The following CSNK1G3 variants were observed in gnomAD, a reference collection of about 807,000 sequenced individuals.
The protein encoded by CSNK1G3 is casein kinase I isoform gamma-3.
A neutral mutation model predicts 64.3 loss-of-function variants in CSNK1G3; 23 were observed. The observed-to-expected ratio is 0.36, with a 90% CI of 0.26 to 0.51. CSNK1G3 has a LOEUF of 0.51. Ranked by LOEUF, CSNK1G3 falls within the 20% of genes least tolerant of loss-of-function variation. The probability of loss-of-function intolerance (pLI) is 0.96; values close to 1 mark genes in which losing one functional copy is unlikely to be tolerated. For synonymous variants in CSNK1G3, 158 were observed against 162.2 expected (o/e 0.97, Z 0.20); for missense variants, 357 against 510.5 (o/e 0.70, Z 2.90).
chr5:123,554,663 T>G (rs1043045585), intron 3 of CSNK1G3, among the ~76,000 whole-genome samples: 3 of 152,228 alleles, frequency 2.0e-5, no homozygotes, highest in Non-Finnish European at 4.4e-5. Flanking sequence ...GACTTTCATT[T>G]CTTTGAAATT....
intron 4 of CSNK1G3, among the ~76,000 whole-genome samples, chr5:123,564,857 G>A (rs1374499831): frequency 6.6e-6 from 1 of 152,136 alleles, no homozygotes; most frequent in Non-Finnish European, 1.5e-5. Context: ...CAGTTCACCT[G>A]TTGGTTCATA....
At chr5:123,576,268 A>G (rs1346667741) in intron 6 of CSNK1G3, among the ~76,000 whole-genome samples, 1 of 152,164 alleles carries the variant, frequency 6.6e-6, no homozygotes, top group East Asian at 1.9e-4. Flanking sequence ...CTTACAAAAT[A>G]TGAGAGAATA....
intron 1 of CSNK1G3, among the ~76,000 whole-genome samples, chr5:123,540,915 C>A (rs894740589): frequency 6.6e-6 from 1 of 152,148 alleles, no homozygotes; most frequent in East Asian, 1.9e-4. Context: ...AGGCATGAGC[C>A]AACAAGTCTG....
intron 1 of CSNK1G3, among the ~76,000 whole-genome samples, chr5:123,543,331 T>A (rs1423996067): frequency 2.0e-5 from 3 of 152,084 alleles, no homozygotes; most frequent in Non-Finnish European, 2.9e-5. Context: ...ATGCCTGGGA[T>A]ATTAGTGAGG....
chr5:123,571,279 GT>G (rs1788053129), intron 4 of CSNK1G3, among the ~76,000 whole-genome samples: 1 of 151,896 alleles, frequency 6.6e-6, no homozygotes. Context: ...TTGTTTGTTT[GT>G]TTTGTTTTGT....
chr5:123,553,224 T>C, intron 3 of CSNK1G3, 77 bp downstream of exon 3: 1 of 763,724 alleles, frequency 1.3e-6, no homozygotes, highest in Admixed American at 3.5e-5. Context: ...TAATTATTTT[T>C]TGTTTTCATG....
exon 13 of CSNK1G3, chr5:123,615,931 A>G (rs1442502581): frequency 2.0e-5 from 3 of 152,214 alleles, no homozygotes; most frequent in South Asian, 4.1e-4. Flanking sequence ...TTACTTCATT[A>G]TTGCATTTAC....
At chr5:123,593,621 A>G (rs898167057) in intron 10 of CSNK1G3, among the ~76,000 whole-genome samples, 2 of 152,054 alleles carry the variant, frequency 1.3e-5, no homozygotes, top group South Asian at 4.1e-4. Flanking sequence ...TTATTCTTTG[A>G]TCTTGTCTAG....
At chr5:123,551,575 A>T (rs1285647926) in intron 2 of CSNK1G3, among the ~76,000 whole-genome samples, 2 of 152,168 alleles carry the variant, frequency 1.3e-5, no homozygotes, top group Non-Finnish European at 2.9e-5. Flanking sequence ...AAATTCAGAA[A>T]AGTATTATAA....
chr5:123,616,425 A>G (rs1749463901), exon 13 of CSNK1G3: 1 of 152,618 alleles, frequency 6.6e-6, no homozygotes, highest in Admixed American at 6.5e-5. Flanking sequence ...CTCCTTATAC[A>G]TAAGAAGGTG....
chr5:123,536,425 C>CTT (rs3064349), intron 1 of CSNK1G3, among the ~76,000 whole-genome samples: 33,279 of 134,204 alleles, frequency 0.25, 4,142 homozygotes, highest in Middle Eastern at 0.29. Context: ...ATATGAAGGG[C>CTT]TTTTTTTTTT....
rs934810002 is a variant in CSNK1G3, at chr5:123,561,058, T to G, written c.289+3494T>G. Among the ~76,000 whole-genome samples, 3 of 152,212 alleles carry G rather than the reference T, an allele frequency of 2.0e-5. No homozygotes were observed. In the South Asian group the frequency reaches 6.2e-4, roughly 32 times the overall value. On this transcript the variant is annotated intron_variant, in intron 4 of 12. Transcript: ENST00000345990. ...GGTATCTGTGAAAAAATATACAATTTGGTTTTGCCCGTTTGGGTTTTGATC... is the reference window on the plus strand; with the variant it reads ...GGTATCTGTGAAAAAATATACAATTGGGTTTTGCCCGTTTGGGTTTTGATC...
intron 10 of CSNK1G3, among the ~76,000 whole-genome samples, chr5:123,596,970 A>G (rs1793556368): frequency 6.6e-6 from 1 of 152,134 alleles, no homozygotes; most frequent in Admixed American, 6.6e-5. Context: ...GAAAATTTGT[A>G]ATGTGACCCT....
At chr5:123,576,227 TAC>T (rs1270063509) in intron 6 of CSNK1G3, among the ~76,000 whole-genome samples, 1 of 152,204 alleles carries the variant, frequency 6.6e-6, no homozygotes, top group African/African-American at 2.4e-5. Context: ...TCAACTTTGA[TAC>T]AGTTATGGGG....
rs1026443924 is a variant in CSNK1G3 at position 123,584,434 on chromosome 5, C to A, written c.674-3634C>A. ...ATGACAATATGATTTATATTTTATT[C>A]TATTAATTTGGCGAATTACATTGAT... On this transcript the variant is annotated intron_variant, in intron 6 of 12. Transcript: ENST00000345990. Among the ~76,000 whole-genome samples the A allele has an allele frequency of 5.3e-5, 8 of 152,068 alleles. No individual in the cohort carries two copies. The East Asian group carries it at 1.5e-3, about 29-fold the overall frequency.
chr5:123,583,208 T>C (rs1214148577), intron 6 of CSNK1G3, among the ~76,000 whole-genome samples: 1 of 152,218 alleles, frequency 6.6e-6, no homozygotes, highest in Non-Finnish European at 1.5e-5. Flanking sequence ...TATAGTATTT[T>C]AAGTTTTTTA....
chr5:123,593,916 A>G (rs888311860), intron 10 of CSNK1G3, among the ~76,000 whole-genome samples: 1 of 152,114 alleles, frequency 6.6e-6, no homozygotes, highest in Admixed American at 6.6e-5. Context: ...CTTTGTGGCA[A>G]GATTTTCATG....
At chr5:123,533,875 A>G (rs1055873490) in intron 1 of CSNK1G3, among the ~76,000 whole-genome samples, 2 of 151,082 alleles carry the variant, frequency 1.3e-5, no homozygotes, top group African/African-American at 4.9e-5. Flanking sequence ...TTCCTGATGT[A>G]TCTAGTGGTG....
intron 1 of CSNK1G3, among the ~76,000 whole-genome samples, chr5:123,514,961 A>T (rs971801582): frequency 6.6e-6 from 1 of 152,236 alleles, no homozygotes; most frequent in Non-Finnish European, 1.5e-5. Flanking sequence ...AACGATAGTA[A>T]GTTTAAGGAA....
Sources: allele counts gnomAD v4.1 joint callset (sites outside exome capture counted in the v4.1 genomes callset), GRCh38; gene constraint gnomAD v4.1.1; transcripts MANE v1.5; gene names NCBI Gene and HGNC (gene_info 2026-07-23, HGNC 2026-07-21).